The following ELAC2 variants were observed in gnomAD, a reference collection of about 807,000 sequenced individuals.
ELAC2 encodes zinc phosphodiesterase ELAC protein 2.
A neutral mutation model predicts 105.2 loss-of-function variants in ELAC2; 92 were observed. That is an observed-to-expected ratio of 0.87 (90% CI 0.74 to 1.04). The LOEUF (loss-of-function observed/expected upper bound fraction) is 1.04. Ranked by LOEUF, ELAC2 falls within the 50% of genes least tolerant of loss-of-function variation. The probability of loss-of-function intolerance (pLI) is 0.00; values close to 1 mark genes in which losing one functional copy is unlikely to be tolerated. For missense variants in ELAC2, 1,099 were observed against 1,071.7 expected, an observed-to-expected ratio of 1.03 and a Z score of -0.36; for synonymous variants, 468 against 409.1, an observed-to-expected ratio of 1.14 and a Z score of -1.74.
At chr17:13,010,925 T>A (rs1283422661) in intron 7 of ELAC2, among the ~76,000 whole-genome samples, 1 of 152,240 alleles carries the variant, frequency 6.6e-6, no homozygotes, top group Non-Finnish European at 1.5e-5. Context: ...AAATTTTTTT[T>A]AAATGACACA....
At chr17:13,000,893 A>G (rs2040761443) in intron 14 of ELAC2, 1 of 167,398 alleles carries the variant, frequency 6.0e-6, no homozygotes, top group Non-Finnish European at 1.3e-5. Context: ...CAAGATTCTA[A>G]TTCACTAGGT....
chr17:12,992,963 T>A lies in ELAC2; in HGVS notation c.2336A>T (p.Glu779Val). The A allele has an allele frequency of 1.2e-6, 2 of 1,602,354 alleles. No homozygotes were observed. The highest frequency in any genetic ancestry group is 1.7e-6 in the Non-Finnish European group (2 of 1,172,304). ...CAGCTCCCGCTTCTCCCTGCGCTCC[T>A]CCATCTCCTCGATGTCGCCAGCAAA... ...ALFAGDIEEMEERREKRELRQ... is the reference protein window; with the variant it reads ...ALFAGDIEEMVERREKRELRQ... The change falls in exon 24 of 24, where the codon GAG (glutamate) becomes GTG (valine). Residue 779 changes from glutamate to valine, a missense_variant. Coordinates refer to ENST00000338034, the MANE Select transcript of ELAC2 (RefSeq NM_018127.7).
intron 1 of ELAC2, 52 bp from the exon 2 acceptor site, chr17:13,017,173 C>A: frequency 7.0e-7 from 1 of 1,435,544 alleles, no homozygotes; most frequent in Non-Finnish European, 9.8e-7. Context: ...TCTGTAAACT[C>A]TCTGACACCA....
At chr17:12,996,105 G>A (rs573567573) in intron 17 of ELAC2, 127 bp from the exon 18 acceptor site, 35 of 1,033,368 alleles carry the variant, frequency 3.4e-5, no homozygotes, top group Admixed American at 4.0e-5. Flanking sequence ...TAACACAGCC[G>A]CAGTGGGGGT....
rs370686354 is a variant in ELAC2, at chr17:13,010,520, G to A, written c.738+93C>T. The A allele has an allele frequency of 1.6e-4, 189 of 1,147,700 alleles. No individual in the cohort carries two copies. In the African/African-American group the frequency reaches 2.5e-3, roughly 15 times the overall value. 71.1% of individuals were successfully genotyped at this position (1,147,700 alleles called of 1,614,324 possible). On this transcript the variant is annotated intron_variant, in intron 8 of 23. Coordinates refer to ENST00000338034, the MANE Select transcript of ELAC2 (RefSeq NM_018127.7). Reference sequence around the variant, plus strand: ...TATCTCTTCTTGTCTCAGGTAACAGGAGTGCCTACCCTCAAATTAATGAAA... The same window carrying A: ...TATCTCTTCTTGTCTCAGGTAACAGAAGTGCCTACCCTCAAATTAATGAAA...
At chr17:12,993,133 ACAG>A (rs1165462743) in intron 23 of ELAC2, 88 bp from the exon 24 acceptor site, 2 of 1,355,794 alleles carry the variant, frequency 1.5e-6, no homozygotes, top group Non-Finnish European at 1.0e-6. Context: ...ATGTGCTCAC[ACAG>A]CAGCGCCAAC....
intron 9 of ELAC2, 36 bp downstream of exon 9, chr17:13,005,885 C>A (rs769252851): frequency 3.4e-5 from 55 of 1,613,930 alleles, no homozygotes; most frequent in Non-Finnish European, 3.4e-6. Flanking sequence ...CAGGTGTACC[C>A]AGTGAGTCCC....
Position 12,998,513 on chromosome 17 carries a change from G to A in ELAC2, c.1424-5C>T. On this transcript the variant is annotated splice_region_variant and splice_polypyrimidine_tract_variant and intron_variant, in intron 15 of 23. Transcript: ENST00000338034. ...CTGGGTACTGACTTCTTTTCTCTGT[G>A]AAAAAATCCATGTGAAACAATCCAT... 1 of 1,613,274 alleles carries A rather than the reference G, an allele frequency of 6.2e-7. No homozygotes were observed. Among genetic ancestry groups the A allele is most frequent in the East Asian group, 2.2e-5 (1 of 44,876 alleles).
chr17:13,010,414 C>G (rs2041352133), intron 8 of ELAC2, among the ~76,000 whole-genome samples, 199 bp downstream of exon 8: 1 of 152,236 alleles, frequency 6.6e-6, no homozygotes, highest in South Asian at 2.1e-4. Flanking sequence ...CGTGATCCAC[C>G]TGCCTTGGAC....
At chr17:13,001,457 A>C (rs2040806470) in intron 14 of ELAC2, among the ~76,000 whole-genome samples, 1 of 152,138 alleles carries the variant, frequency 6.6e-6, no homozygotes, top group Non-Finnish European at 1.5e-5. Flanking sequence ...ACGCCATTGC[A>C]CTCCAGCCTG....
chr17:13,013,195 T>C lies in ELAC2; in HGVS notation c.559+12A>G. The C allele has an allele frequency of 6.2e-7, 1 of 1,614,158 alleles. No individual in the cohort carries two copies. The highest frequency in any genetic ancestry group is 8.5e-7 in the Non-Finnish European group (1 of 1,179,996). On this transcript the variant is annotated intron_variant, in intron 6 of 23. Coordinates refer to ENST00000338034, the MANE Select transcript of ELAC2 (RefSeq NM_018127.7). ...ACACCCTCCTCCTGGGAAACCTGGC[T>C]TTCATACTCACTGTGTATGGGGATC...
chr17:13,012,382 G>A (rs2041464977), intron 6 of ELAC2, among the ~76,000 whole-genome samples: 1 of 152,234 alleles, frequency 6.6e-6, no homozygotes, highest in Admixed American at 6.5e-5. Context: ...CAGGCTGGGG[G>A]TGGCTACAGC....
intron 1 of ELAC2, 162 bp downstream of exon 1, chr17:13,017,541 C>T: frequency 1.5e-6 from 2 of 1,342,714 alleles, no homozygotes; most frequent in Non-Finnish European, 2.0e-6. Context: ...CACATGGATG[C>T]AAAGAATCTC....
At chr17:12,993,311 G>A (rs1209599401) in intron 23 of ELAC2, among the ~76,000 whole-genome samples, 3 of 152,198 alleles carry the variant, frequency 2.0e-5, no homozygotes, top group African/African-American at 4.8e-5. Flanking sequence ...CCTGAAAAAC[G>A]AGGCCTGGCT....
At chr17:13,000,466 C>T in intron 14 of ELAC2, 192 bp from the exon 15 acceptor site, 2 of 641,608 alleles carry the variant, frequency 3.1e-6, no homozygotes, top group South Asian at 3.5e-5. Flanking sequence ...ATCGCTCTGC[C>T]TCAGGGCCAG....
In ELAC2 at chr17:12,994,837, C is replaced by G; in HGVS notation, c.1956G>C (p.Ala652=). ...CTTTCCAGCCAGAGGTGTGCACCAG[C>G]GCACAGCCAAACGCATGCTTGCAGT... ...VRHCKHAFGC[A]LVHTSGWKVV... is the part of the protein sequence containing the mutation. The change falls in exon 21 of 24, where the codon GCG becomes GCC. Residue 652 remains alanine, a synonymous_variant. Coordinates refer to ENST00000338034, the MANE Select transcript of ELAC2 (RefSeq NM_018127.7). The G allele has an allele frequency of 6.2e-7, 1 of 1,614,044 alleles. No homozygotes were observed.
intron 17 of ELAC2, 173 bp downstream of exon 17, chr17:12,996,374 T>G: frequency 1.1e-6 from 1 of 893,278 alleles, no homozygotes; most frequent in Non-Finnish European, 1.8e-6. Flanking sequence ...AAGACATTCT[T>G]GTGGCGCAGA....
chr17:13,012,444 G>C (rs1192241868), intron 6 of ELAC2, among the ~76,000 whole-genome samples: 1 of 152,170 alleles, frequency 6.6e-6, no homozygotes, highest in Admixed American at 6.5e-5. Flanking sequence ...CCAGGCAATG[G>C]GAGTGCTGAT....
In ELAC2 at chr17:12,992,529, C is replaced by G. The variant is rs748470615; in HGVS notation, c.*289G>C. The G allele has an allele frequency of 4.0e-5, 20 of 498,706 alleles. No homozygotes were observed. Among genetic ancestry groups the G allele is most frequent in the Non-Finnish European group, 6.6e-5 (18 of 274,596 alleles). 30.9% of individuals were successfully genotyped at this position (498,706 alleles called of 1,614,324 possible). On this transcript the variant is annotated 3_prime_UTR_variant, in exon 24 of 24. Transcript: ENST00000338034. ...TGGATTAGAGGAAAGGTGCCGCCGT[C>G]TGTTTCCAAGACTTCTTTAAAAACT...
Sources: gnomAD v4.1 joint callset for allele counts (sites outside exome capture counted in the v4.1 genomes callset) on GRCh38, gnomAD v4.1.1 for gene constraint, MANE v1.5 for transcripts, NCBI Gene and HGNC (gene_info 2026-07-23, HGNC 2026-07-21) for gene names.